CDK14: variants seen among roughly 807,000 people sequenced by gnomAD.
CDK14 encodes the protein cyclin dependent kinase 14, also known as cyclin-dependent kinase 14.
Under a neutral mutation model 60.7 loss-of-function variants are expected in CDK14, and 34 were observed. The ratio of observed to expected loss-of-function variants is 0.56; its 90% CI spans 0.43 to 0.75. The LOEUF (loss-of-function observed/expected upper bound fraction) is 0.75. CDK14 is among the 30% of genes least tolerant of loss of function. The pLI is 0.00. For missense variants in CDK14, 482 were observed against 564.1 expected (o/e 0.85, Z 1.47); for synonymous variants, 197 against 203.7 (o/e 0.97, Z 0.28).
At chr7:91,050,624 A>G (rs923987063) in intron 11 of CDK14, among the ~76,000 whole-genome samples, 3 of 152,218 alleles carry the variant, frequency 2.0e-5, no homozygotes, top group Non-Finnish European at 4.4e-5. Flanking sequence ...AAGTATGTGC[A>G]TGTTACATAC....
At chr7:90,749,884 A>G (rs978201517) in intron 4 of CDK14, among the ~76,000 whole-genome samples, 2 of 152,198 alleles carry the variant, frequency 1.3e-5, no homozygotes, top group African/African-American at 2.4e-5. Context: ...GGAACTCAGA[A>G]CACTATGGGC....
intron 14 of CDK14, among the ~76,000 whole-genome samples, chr7:91,164,745 A>G (rs913056453): frequency 3.9e-5 from 6 of 152,200 alleles, no homozygotes; most frequent in African/African-American, 1.4e-4. Flanking sequence ...CTGCACTCCC[A>G]ATATCCAGTT....
chr7:90,863,721 C>G (rs545679779), intron 6 of CDK14, among the ~76,000 whole-genome samples: 42 of 120,818 alleles, frequency 3.5e-4, no homozygotes, highest in Non-Finnish European at 1.2e-4. Context: ...TGTAGGAAAG[C>G]CTGATACAAT....
At chr7:91,025,335 T>C (rs1278788026) in intron 10 of CDK14, among the ~76,000 whole-genome samples, 1 of 152,056 alleles carries the variant, frequency 6.6e-6, no homozygotes, top group Admixed American at 6.6e-5. Context: ...TGCCAAGGGA[T>C]TGTCCAAAGA....
At chr7:90,674,205 G>A (rs191527856) in intron 2 of CDK14, among the ~76,000 whole-genome samples, 8 of 152,218 alleles carry the variant, frequency 5.3e-5, no homozygotes, top group South Asian at 4.1e-4. Context: ...TATCTATAGC[G>A]AGAAAAAAAA....
intron 14 of CDK14, among the ~76,000 whole-genome samples, chr7:91,174,335 G>C (rs1384410472): frequency 2.6e-5 from 4 of 151,334 alleles, no homozygotes; most frequent in Admixed American, 2.6e-4. Context: ...ATCAAAAGTA[G>C]ATAAAACCAC....
chr7:90,706,501 G>A (rs1207217434), intron 2 of CDK14, among the ~76,000 whole-genome samples: 1 of 152,158 alleles, frequency 6.6e-6, no homozygotes, highest in Middle Eastern at 3.2e-3. Flanking sequence ...AGAAGTCCAT[G>A]CTCTTAAGCA....
At chr7:90,985,587 A>G (rs912608039) in intron 10 of CDK14, among the ~76,000 whole-genome samples, 2 of 152,338 alleles carry the variant, frequency 1.3e-5, no homozygotes, top group East Asian at 1.9e-4. Flanking sequence ...CAGCTATCAT[A>G]TTAAGAATAC....
intron 14 of CDK14, among the ~76,000 whole-genome samples, chr7:91,191,624 G>T (rs545332176): frequency 8.6e-5 from 13 of 151,812 alleles, no homozygotes; most frequent in Admixed American, 7.2e-4. Context: ...CAGATGGGGG[G>T]GTGGGATGTG....
At chr7:90,822,236 G>A (rs1789576687) in intron 5 of CDK14, among the ~76,000 whole-genome samples, 1 of 152,088 alleles carries the variant, frequency 6.6e-6, no homozygotes, top group Non-Finnish European at 1.5e-5. Context: ...TTTGTATATG[G>A]CACGTCCAAA....
In CDK14 at chr7:90,675,202, A is replaced by AT. The variant is rs893133143; in HGVS notation, c.124-51356dup. On this transcript the variant is annotated intron_variant, in intron 2 of 14. Transcript: ENST00000380050. ...ATTTAACCTTTCCTATATAGTAGGGATTTTTTTTTCTTCCTCCAGGCATTA... is the reference window on the plus strand; with the variant it reads ...ATTTAACCTTTCCTATATAGTAGGGATTTTTTTTTTCTTCCTCCAGGCATTA... Among the ~76,000 whole-genome samples the AT allele has an allele frequency of 1.1e-4, 16 of 151,012 alleles. No homozygotes were observed. In the East Asian group the frequency reaches 1.6e-3, roughly 15 times the overall value.
chr7:91,139,023 C>T (rs1213398234), intron 14 of CDK14, among the ~76,000 whole-genome samples: 1 of 152,180 alleles, frequency 6.6e-6, no homozygotes, highest in Non-Finnish European at 1.5e-5. Context: ...GTGTTCCCAA[C>T]TCCTTGCGAA....
chr7:90,712,985 GC>G, intron 2 of CDK14, among the ~76,000 whole-genome samples: 1 of 120,828 alleles, frequency 8.3e-6, no homozygotes, highest in African/African-American at 3.0e-5. Flanking sequence ...GTCTCCTGCT[GC>G]CCGCCATGGG....
At chr7:90,924,613 G>A (rs1447778944) in intron 8 of CDK14, among the ~76,000 whole-genome samples, 1 of 152,130 alleles carries the variant, frequency 6.6e-6, no homozygotes, top group African/African-American at 2.4e-5. Context: ...GCAGTCTAAA[G>A]CACATGTTTT....
At chr7:91,181,740 C>A (rs1313164710) in intron 14 of CDK14, among the ~76,000 whole-genome samples, 1 of 151,946 alleles carries the variant, frequency 6.6e-6, no homozygotes, top group African/African-American at 2.4e-5. Flanking sequence ...TTTTTTTGAC[C>A]AATGGGAGAC....
intron 6 of CDK14, among the ~76,000 whole-genome samples, chr7:90,881,326 G>A (rs577793544): frequency 6.6e-6 from 1 of 152,176 alleles, no homozygotes; most frequent in African/African-American, 2.4e-5. Context: ...AATAGACCAG[G>A]CAGAAAGAAG....
intron 2 of CDK14, among the ~76,000 whole-genome samples, chr7:90,690,101 A>G (rs1486855773): frequency 6.6e-6 from 1 of 152,206 alleles, no homozygotes; most frequent in Non-Finnish European, 1.5e-5. Flanking sequence ...CATTAGAAAA[A>G]TCTGATCATT....
chr7:90,732,904 C>G (rs902424078), intron 3 of CDK14, among the ~76,000 whole-genome samples: 1 of 151,076 alleles, frequency 6.6e-6, no homozygotes, highest in South Asian at 2.1e-4. Flanking sequence ...TTTGCTCTTC[C>G]TTCTCTAGTT....
chr7:90,763,475 G>A lies in CDK14; in HGVS notation c.464+15700G>A, dbSNP rs76131441. Among the ~76,000 whole-genome samples the A allele has an allele frequency of 9.2e-5, 14 of 152,244 alleles. No homozygotes were observed. The East Asian group carries it at 9.6e-4, about 10-fold the overall frequency. The stretch of plus-strand genomic sequence containing the variant: ...TTTGGGGGCCGTGTTTTAAAACCCC[G>A]TATAGAGTTTGGTTTTTATTCTAGG... On this transcript the variant is annotated intron_variant, in intron 4 of 14. Transcript: ENST00000380050.
Sources: gnomAD v4.1 joint callset for allele counts (sites outside exome capture counted in the v4.1 genomes callset) on GRCh38, gnomAD v4.1.1 for gene constraint, MANE v1.5 for transcripts, NCBI Gene and HGNC (gene_info 2026-07-23, HGNC 2026-07-21) for gene names.